DCLRE1C: variants seen among roughly 807,000 people sequenced by gnomAD.
The protein encoded by DCLRE1C is DNA cross-link repair 1C, also known as protein artemis.
In DCLRE1C, 47 loss-of-function variants were observed where a neutral mutation model predicts 61.4. The ratio of observed to expected loss-of-function variants is 0.77; its 90% CI spans 0.61 to 0.98. The LOEUF (loss-of-function observed/expected upper bound fraction) is 0.98. Among genes scored for constraint, DCLRE1C ranks in the 50% least tolerant of loss-of-function variants. The pLI, the probability that DCLRE1C is intolerant of heterozygous loss-of-function variation, is 0.00. For synonymous variants in DCLRE1C, 337 were observed against 287.6 expected (o/e 1.17, Z -1.74); for missense variants, 858 against 816.0 (o/e 1.05, Z -0.63).
downstream of DCLRE1C, among the ~76,000 whole-genome samples, chr10:14,899,929 A>C (rs144498384): frequency 1.4e-3 from 217 of 152,346 alleles, no homozygotes; most frequent in African/African-American, 4.8e-3. Flanking sequence ...ATGTTACTTC[A>C]TTTAAACTTT....
intron 3 of DCLRE1C, among the ~76,000 whole-genome samples, chr10:14,943,469 C>T (rs952154003): frequency 5.3e-5 from 8 of 152,092 alleles, no homozygotes; most frequent in Non-Finnish European, 1.0e-4. Context: ...TTTCTTCTTC[C>T]CCCAAAATTT....
chr10:14,929,808 A>G (rs1028420265), intron 9 of DCLRE1C, among the ~76,000 whole-genome samples: 1 of 152,122 alleles, frequency 6.6e-6, no homozygotes, highest in Non-Finnish European at 1.5e-5. Context: ...ATCCCACTCA[A>G]ATTTCTTTGG....
At chr10:14,914,595 T>G (rs1835856755) in intron 13 of DCLRE1C, among the ~76,000 whole-genome samples, 1 of 152,214 alleles carries the variant, frequency 6.6e-6, no homozygotes, top group Non-Finnish European at 1.5e-5. Flanking sequence ...TTTACCAGGT[T>G]TAATGTGTAA....
At chr10:14,936,354 C>T (rs1244994063) in intron 5 of DCLRE1C, among the ~76,000 whole-genome samples, 184 bp downstream of exon 5, 1 of 137,866 alleles carries the variant, frequency 7.3e-6, no homozygotes, top group African/African-American at 2.7e-5. Flanking sequence ...AAAAAAAAAA[C>T]TCACTGCAGC....
In DCLRE1C at chr10:14,926,673, A is replaced by G. The variant is rs1273317849; in HGVS notation, c.972+170T>C. On this transcript the variant is annotated intron_variant, in intron 11 of 13. Coordinates refer to ENST00000378278, the MANE Select transcript of DCLRE1C (RefSeq NM_001033855.3). ...TGTCTCAACCAAAAAAAAAAAAAAA[A>G]AGGAATCCATGAATAATGAGGATGA... Among the ~76,000 whole-genome samples, 8 of 151,920 alleles carry G rather than the reference A, an allele frequency of 5.3e-5. No homozygotes were observed. The East Asian group carries it at 1.3e-3, about 26-fold the overall frequency.
At chr10:14,949,658 G>C (rs544683900) in intron 1 of DCLRE1C, among the ~76,000 whole-genome samples, 3 of 152,214 alleles carry the variant, frequency 2.0e-5, no homozygotes, top group Admixed American at 6.5e-5. Context: ...CAATTAGACC[G>C]ACTATTACAT....
intron 13 of DCLRE1C, among the ~76,000 whole-genome samples, chr10:14,916,710 A>G (rs1376531103): frequency 1.3e-5 from 2 of 151,938 alleles, no homozygotes; most frequent in Non-Finnish European, 2.9e-5. Context: ...ATTGATTTAC[A>G]CAGACTTATA....
At chr10:14,897,920 A>C (rs1420702448) in exon 14 of DCLRE1C, 1 of 153,488 alleles carries the variant, frequency 6.5e-6, no homozygotes, top group Non-Finnish European at 1.4e-5. Flanking sequence ...TGTAGTTGGC[A>C]GAACTCTATT....
intron 12 of DCLRE1C, among the ~76,000 whole-genome samples, chr10:14,922,674 A>T (rs970709866): frequency 6.6e-6 from 1 of 152,080 alleles, no homozygotes; most frequent in Non-Finnish European, 1.5e-5. Context: ...GTAGGCATCA[A>T]TATTCCTATT....
At position 14,909,305 on chromosome 10, in the gene DCLRE1C, A is replaced by C; in HGVS notation, c.1182T>G (p.Asp394Glu). 1.2e-6 allele frequency: 2 copies of C among 1,613,848 alleles called. No homozygotes were observed. Among genetic ancestry groups the C allele is most frequent in the Non-Finnish European group, 1.7e-6 (2 of 1,179,982 alleles). The change falls in exon 14 of 14, where the codon GAT becomes GAG. Residue 394 changes from aspartate to glutamate, a missense_variant. Physicochemically the swap from Asp to Glu is conservative, Grantham distance 45. Coordinates refer to ENST00000378278, the MANE Select transcript of DCLRE1C (RefSeq NM_001033855.3). The stretch of plus-strand genomic sequence containing the variant: ...GCCTTAAAGGTATTGGCAGAGGATC[A>C]TCAAAGAGATAGTCATCTTCCTCCT... The part of the protein sequence containing the change: ...DSEEEDDYLF[D>E]DPLPIPLRHK...
chr10:14,901,313 C>A, downstream of DCLRE1C: 1 of 1,607,164 alleles, frequency 6.2e-7, no homozygotes, highest in South Asian at 1.1e-5. Context: ...TATGAAGAAT[C>A]AAATCAGACT....
rs576188223 is a variant in DCLRE1C at position 14,944,660 on chromosome 10, T to G, written c.246+445A>C. Among the ~76,000 whole-genome samples the G allele has an allele frequency of 3.3e-5, 5 of 150,608 alleles. No individual in the cohort carries two copies. The South Asian group carries it at 1.1e-3, about 32-fold the overall frequency. On this transcript the variant is annotated intron_variant, in intron 3 of 13. Coordinates refer to ENST00000378278, the MANE Select transcript of DCLRE1C (RefSeq NM_001033855.3). ...CCATATTGTTCAATGCCAACAGACT[T>G]AATTTTTTTTTTCTTTTTTTTTTTT...
At chr10:14,909,478 C>T in intron 13 of DCLRE1C, 148 bp from the exon 14 acceptor site, 3 of 702,614 alleles carry the variant, frequency 4.3e-6, no homozygotes, top group Non-Finnish European at 7.0e-6. Context: ...ATATGCTGAA[C>T]AATTTAACTG....
chr10:14,916,128 T>C (rs562817040), intron 13 of DCLRE1C, among the ~76,000 whole-genome samples: 12 of 152,332 alleles, frequency 7.9e-5, no homozygotes, highest in East Asian at 1.9e-4. Context: ...CTTATCATTA[T>C]ACTTAATGGT....
intron 3 of DCLRE1C, among the ~76,000 whole-genome samples, chr10:14,943,728 T>A (rs1841241037): frequency 6.6e-6 from 1 of 152,174 alleles, no homozygotes; most frequent in South Asian, 2.1e-4. Flanking sequence ...TTTGCATTTT[T>A]AGTAGACACG....
At chr10:14,952,546 C>T (rs1842603486) in intron 1 of DCLRE1C, among the ~76,000 whole-genome samples, 1 of 152,038 alleles carries the variant, frequency 6.6e-6, no homozygotes, top group South Asian at 2.1e-4. Flanking sequence ...AGAGATCACG[C>T]CACTGCACTC....
rs370736262 is a variant in DCLRE1C, at chr10:14,942,808, G to A, written c.246+2297C>T. 2.4e-4 allele frequency among the ~76,000 whole-genome samples: 37 copies of A among 152,206 alleles called. No individual in the cohort carries two copies. In the East Asian group the frequency reaches 6.2e-3, roughly 26 times the overall value. On this transcript the variant is annotated intron_variant, in intron 3 of 13. Transcript: ENST00000378278. ...AGCTTGCCCAAATGTGGGTAGGAGG[G>A]AGGCACTGGCTGCAAGCAGCTTAAG...
intron 12 of DCLRE1C, among the ~76,000 whole-genome samples, chr10:14,920,087 G>A (rs779511576): frequency 6.6e-5 from 10 of 152,090 alleles, no homozygotes; most frequent in Non-Finnish European, 1.5e-4. Flanking sequence ...CAACCCGGTT[G>A]ATGTTTATCT....
chr10:14,934,235 G>A (rs1839498334), intron 8 of DCLRE1C, 145 bp downstream of exon 8: 1 of 1,203,232 alleles, frequency 8.3e-7, no homozygotes, highest in African/African-American at 1.5e-5. Flanking sequence ...GGCTGAGCCA[G>A]GAGAATTGCT....
Sources: allele counts gnomAD v4.1 joint callset (sites outside exome capture counted in the v4.1 genomes callset), GRCh38; gene constraint gnomAD v4.1.1; transcripts MANE v1.5; gene names NCBI Gene and HGNC (gene_info 2026-07-23, HGNC 2026-07-21).